The following WDR3 variants were observed in gnomAD, a reference collection of about 807,000 sequenced individuals.
WDR3 encodes the protein WD repeat-containing protein 3.
A neutral mutation model predicts 123.7 loss-of-function variants in WDR3; 81 were observed. That is an observed-to-expected ratio of 0.65 (90% CI 0.55 to 0.79). WDR3 has a LOEUF of 0.79. Among genes scored for constraint, WDR3 ranks in the 30% least tolerant of loss-of-function variants. The pLI, the probability that WDR3 is intolerant of heterozygous loss-of-function variation, is 0.00. For missense variants in WDR3, 1,027 were observed against 1,123.2 expected, an observed-to-expected ratio of 0.91 and a Z score of 1.22; for synonymous variants, 390 against 388.8, an observed-to-expected ratio of 1.00 and a Z score of -0.04.
intron 13 of WDR3, 84 bp downstream of exon 13, chr1:117,948,590 A>AG (rs1651493944): frequency 4.5e-6 from 3 of 669,832 alleles, no homozygotes; most frequent in Admixed American, 3.8e-5. Context: ...AGAAAGCCTG[A>AG]GGTTTTTTTT....
chr1:117,951,908 C>A, intron 16 of WDR3, 68 bp from the exon 17 acceptor site: 1 of 1,408,572 alleles, frequency 7.1e-7, no homozygotes, highest in Non-Finnish European at 9.8e-7. Context: ...GTTAAATATT[C>A]TGGTTAGCTT....
chr1:117,956,918 A>T (rs367579371), intron 24 of WDR3, 150 bp from the exon 25 acceptor site: 16 of 578,636 alleles, frequency 2.8e-5, no homozygotes, highest in African/African-American at 2.5e-4. Flanking sequence ...AAAGAGAGTC[A>T]TCTAGCTTAC....
In WDR3 at chr1:117,952,064, C is replaced by A. The variant is rs749291159; in HGVS notation, c.1892C>A (p.Ala631Glu). ...DFGDCHKSLF[A>E]HDDSVMYLQF... ...GGGGACTGCCACAAGTCTCTCTTTG[C>A]ACATGATGACAGGTATGTATAGTCT... Residue 631 changes from alanine to glutamate, a missense_variant, in exon 17 of 27, where the codon GCA becomes GAA. Ala to Glu is a moderately radical substitution (Grantham distance 107). Coordinates refer to ENST00000349139, the MANE Select transcript of WDR3 (RefSeq NM_006784.3). 6.2e-7 allele frequency: 1 copy of A among 1,613,110 alleles called. No homozygotes were observed. Among genetic ancestry groups the A allele is most frequent in the Non-Finnish European group, 8.5e-7 (1 of 1,179,354 alleles).
In WDR3 at chr1:117,933,331, C is replaced by G. The variant is rs762019242; in HGVS notation, c.12C>G (p.Thr4=). ...TCAGACATCACAACATGGGGCTCACCAAGCAGTACCTACGCTATGTTGCTA... is the reference window on the plus strand; with the variant it reads ...TCAGACATCACAACATGGGGCTCACGAAGCAGTACCTACGCTATGTTGCTA... MGL[T]KQYLRYVASA... The change falls in exon 2 of 27, where the codon ACC becomes ACG. Residue 4 remains threonine (T), a synonymous_variant. Coordinates refer to ENST00000349139, the MANE Select transcript of WDR3 (RefSeq NM_006784.3). The G allele has an allele frequency of 1.2e-6, 2 of 1,614,030 alleles. No individual in the cohort carries two copies. The highest frequency in any genetic ancestry group is 1.7e-6 in the Non-Finnish European group (2 of 1,179,938).
At chr1:117,943,153 A>G (rs564264388) in intron 10 of WDR3, among the ~76,000 whole-genome samples, 47 of 152,132 alleles carry the variant, frequency 3.1e-4, no homozygotes, top group Middle Eastern at 3.4e-3. Flanking sequence ...GTGTTTCGCC[A>G]TGTTGGCCAG....
chr1:117,930,204 G>A (rs17037751), intron 1 of WDR3, among the ~76,000 whole-genome samples: 3,685 of 152,318 alleles, frequency 0.024, 148 homozygotes, highest in African/African-American at 0.082. Flanking sequence ...TGGGGTCTCG[G>A]AAGAAGGTTT....
rs546895124 is a variant in WDR3 at position 117,933,664 on chromosome 1, C to T, written c.171+174C>T. 3 of 766,504 alleles carry T rather than the reference C, an allele frequency of 3.9e-6. No individual in the cohort carries two copies. In the East Asian group the frequency reaches 8.3e-5, roughly 21 times the overall value. 47.5% of individuals were successfully genotyped at this position (766,504 alleles called of 1,614,324 possible). On this transcript the variant is annotated intron_variant, in intron 2 of 26. Transcript: ENST00000349139. The stretch of plus-strand genomic sequence containing the variant: ...GCCAAGCATCAAGTTCCTTTGTGTT[C>T]TTCGCCACTGAATTCTGAAAACCAC...
chr1:117,933,575 T>G, intron 2 of WDR3, 85 bp downstream of exon 2: 1 of 1,563,032 alleles, frequency 6.4e-7, no homozygotes, highest in Non-Finnish European at 8.8e-7. Context: ...TCTGATTTAT[T>G]TATCATGAGT....
intron 15 of WDR3, among the ~76,000 whole-genome samples, chr1:117,950,536 T>G (rs1395653004): frequency 1.3e-5 from 2 of 152,120 alleles, no homozygotes; most frequent in African/African-American, 4.8e-5. Flanking sequence ...TGGGAAATTT[T>G]TTTGTGAAAC....
chr1:117,930,709 A>G (rs1650681492), intron 1 of WDR3, among the ~76,000 whole-genome samples: 1 of 152,224 alleles, frequency 6.6e-6, no homozygotes, highest in Non-Finnish European at 1.5e-5. Flanking sequence ...AGAGAAAGGG[A>G]TCCTGTTTCA....
intron 3 of WDR3, 33 bp downstream of exon 3, chr1:117,934,715 A>G (rs770644992): frequency 1.8e-5 from 29 of 1,609,102 alleles, no homozygotes; most frequent in Admixed American, 6.7e-5. Context: ...GCTTTGATCT[A>G]TTAAAGGAAT....
At chr1:117,949,687 G>T in intron 13 of WDR3, 64 bp from the exon 14 acceptor site, 1 of 1,540,032 alleles carries the variant, frequency 6.5e-7, no homozygotes, top group Non-Finnish European at 8.9e-7. Context: ...CTTTTAAAAT[G>T]TATCTTCATA....
At chr1:117,934,365 T>C in intron 2 of WDR3, 108 bp from the exon 3 acceptor site, 1 of 1,023,314 alleles carries the variant, frequency 9.8e-7, no homozygotes, top group Non-Finnish European at 1.4e-6. Context: ...ATAAGAGTAA[T>C]TTGGAATTAT....
Position 117,953,465 on chromosome 1 carries a change from G to T in WDR3, c.2203-11G>T, listed in dbSNP as rs1178845615. ...AACAGTGTTATTCAAGGATTTCTTTGTTTCTGGCAGGTTCCAGGAGAGACT... is the reference window on the plus strand; with the variant it reads ...AACAGTGTTATTCAAGGATTTCTTTTTTTCTGGCAGGTTCCAGGAGAGACT... On this transcript the variant is annotated splice_polypyrimidine_tract_variant and intron_variant, in intron 20 of 26. Transcript: ENST00000349139. 1 of 1,612,298 alleles carries T rather than the reference G, an allele frequency of 6.2e-7. No individual in the cohort carries two copies. Among genetic ancestry groups the T allele is most frequent in the South Asian group, 1.1e-5 (1 of 90,978 alleles).
At position 117,965,226 on chromosome 1, in the gene WDR3, C is replaced by T. The variant is rs182692333; in HGVS notation, c.*5779C>T. 6.6e-6 allele frequency: 1 copy of T among 152,252 alleles called. No homozygotes were observed. Among genetic ancestry groups the T allele is most frequent in the East Asian group, 1.9e-4 (1 of 5,182 alleles). 9.4% of individuals were successfully genotyped at this position (152,252 alleles called of 1,614,324 possible). On this transcript the variant is annotated 3_prime_UTR_variant, in exon 27 of 27. Coordinates refer to ENST00000349139, the MANE Select transcript of WDR3 (RefSeq NM_006784.3). ...TTTTCTTTGACATCTCAATAGCATC[C>T]GTCAATTGTGTCCGTCTTTTCCTTG...
chr1:117,958,828 T>A lies in WDR3; in HGVS notation c.2583-82T>A, dbSNP rs534136510. The A allele has an allele frequency of 9.9e-5, 92 of 925,124 alleles. No homozygotes were observed. In the African/African-American group the frequency reaches 1.5e-3, roughly 15 times the overall value. 57.3% of individuals were successfully genotyped at this position (925,124 alleles called of 1,614,324 possible). On this transcript the variant is annotated intron_variant, in intron 25 of 26. Coordinates refer to ENST00000349139, the MANE Select transcript of WDR3 (RefSeq NM_006784.3). Reference sequence around the variant, plus strand: ...TGTATATTTTGTTGTTGCTTTGATATTGTGTCTGTTTACTGTTTCTAGAAG... The same window carrying A: ...TGTATATTTTGTTGTTGCTTTGATAATGTGTCTGTTTACTGTTTCTAGAAG...
At position 117,938,566 on chromosome 1, in the gene WDR3, T is replaced by C. The variant is rs1651024309; in HGVS notation, c.579+8T>C. On this transcript the variant is annotated splice_region_variant and intron_variant, in intron 5 of 26. Coordinates refer to ENST00000349139, the MANE Select transcript of WDR3 (RefSeq NM_006784.3). ...GTTGGCCACCGGACTGAGGTAAGTG[T>C]AGGGTCATGGGCCCAGGGAAATAAT... 2 of 1,612,560 alleles carry C rather than the reference T, an allele frequency of 1.2e-6. No homozygotes were observed. Among genetic ancestry groups the C allele is most frequent in the Middle Eastern group, 1.7e-4 (1 of 6,054 alleles).
At position 117,952,610 on chromosome 1, in the gene WDR3, G is replaced by C. The variant is rs1651670600; in HGVS notation, c.2099G>C (p.Arg700Thr). The C allele has an allele frequency of 1.9e-6, 3 of 1,613,582 alleles. No homozygotes were observed. The East Asian group carries it at 6.7e-5, about 36-fold the overall frequency. The part of the protein sequence containing the change: ...VVSSSHDKSL[R>T]LWERTREPLI... ...TCATCGTCCCATGACAAATCTCTGA[G>C]ACTTTGGGAGAGAACAAGGGAGCCT... Residue 700 changes from arginine to threonine, a missense_variant, in exon 19 of 27, where the codon AGA becomes ACA. Coordinates refer to ENST00000349139, the MANE Select transcript of WDR3 (RefSeq NM_006784.3).
chr1:117,939,617 T>G, intron 6 of WDR3, 45 bp downstream of exon 6: 3 of 1,577,810 alleles, frequency 1.9e-6, no homozygotes, highest in Non-Finnish European at 2.6e-6. Context: ...AGAAGTTTCA[T>G]AAGCACCTTG....
Sources: gnomAD v4.1 joint callset for allele counts (sites outside exome capture counted in the v4.1 genomes callset) on GRCh38, gnomAD v4.1.1 for gene constraint, MANE v1.5 for transcripts, NCBI Gene and HGNC (gene_info 2026-07-23, HGNC 2026-07-21) for gene names.